The following EP400 variants were observed in gnomAD, a reference collection of about 807,000 sequenced individuals.
The protein encoded by EP400 is E1A-binding protein p400.
In EP400, 105 loss-of-function variants were observed where a neutral mutation model predicts 354.1. That is an observed-to-expected ratio of 0.30 (90% confidence interval 0.25 to 0.35). The LOEUF (loss-of-function observed/expected upper bound fraction) is 0.35, where lower values mean the gene tolerates loss of function less well. EP400 is among the 10% of genes least tolerant of loss of function. EP400 has a pLI of 1.00. For missense variants in EP400, 3,280 were observed against 4,121.0 expected (o/e 0.80, Z 5.59); for synonymous variants, 1,646 against 1,716.9 (o/e 0.96, Z 1.02).
intron 7 of EP400, among the ~76,000 whole-genome samples, chr12:131,988,823 T>G (rs1484924991): frequency 6.6e-6 from 1 of 152,162 alleles, no homozygotes; most frequent in Non-Finnish European, 1.5e-5. Flanking sequence ...TTCTGTACTC[T>G]TAACGCTATG....
intron 2 of EP400, among the ~76,000 whole-genome samples, chr12:131,977,227 C>A (rs1892512325): frequency 6.6e-6 from 1 of 152,174 alleles, no homozygotes; most frequent in South Asian, 2.1e-4. Flanking sequence ...AGCTCTGCCT[C>A]CCGGGTTCAC....
intron 1 of EP400, among the ~76,000 whole-genome samples, chr12:131,950,305 G>T (rs1465983964): frequency 1.3e-5 from 2 of 152,134 alleles, no homozygotes; most frequent in African/African-American, 4.8e-5. Context: ...TGGCCCCCCG[G>T]GCTCCTGGGC....
intron 43 of EP400, 104 bp downstream of exon 43, chr12:132,053,701 A>AG: frequency 7.7e-7 from 1 of 1,294,316 alleles, no homozygotes. Context: ...TGCCAGTTCT[A>AG]GCACATTTCC....
chr12:132,034,363 G>A (rs767063275), intron 30 of EP400, among the ~76,000 whole-genome samples: 1 of 152,242 alleles, frequency 6.6e-6, no homozygotes, highest in Non-Finnish European at 1.5e-5. Flanking sequence ...TTGTTCTCGA[G>A]TGGGTAGACT....
intron 48 of EP400, chr12:132,065,980 T>C (rs528532991): frequency 3.3e-5 from 5 of 152,376 alleles, no homozygotes; most frequent in Admixed American, 1.3e-4. Context: ...TACAAAGTGA[T>C]GAATGTACAA....
rs1312413798 is a variant in EP400, at chr12:132,078,533, G to T, written c.*860G>T. ...GAGAACCTTTGGGACACTCTGCCAT[G>T]GCTGGCGTGAGGCCCAGAGGACCAC... On this transcript the variant is annotated 3_prime_UTR_variant, in exon 53 of 53. Coordinates refer to ENST00000389561, the MANE Select transcript of EP400 (RefSeq NM_015409.5). 1 of 152,322 alleles carries T rather than the reference G, an allele frequency of 6.6e-6. No homozygotes were observed. Among genetic ancestry groups the T allele is most frequent in the Admixed American group, 6.5e-5 (1 of 15,290 alleles). The allele number at this position is 152,322 out of a possible 1,614,324, so 9.4% of individuals were successfully genotyped here. A position where few individuals can be genotyped will look rare whatever the true frequency, so the allele number is the denominator to read the frequency against.
chr12:132,018,381 G>A lies in EP400; in HGVS notation c.4277+5G>A, dbSNP rs200413264. 3.9e-5 allele frequency: 62 copies of A among 1,598,140 alleles called. No homozygotes were observed. Among genetic ancestry groups the A allele is most frequent in the Middle Eastern group, 3.4e-4 (2 of 5,956 alleles). On this transcript the variant is annotated splice_donor_5th_base_variant and intron_variant, in intron 21 of 52. Coordinates refer to ENST00000389561, the MANE Select transcript of EP400 (RefSeq NM_015409.5). This position sits in a 1 kb window ranked among gnomAD's most constrained non-coding sequence, Gnocchi z 4.0. Reference sequence around the variant, plus strand: ...AGCAAAGCTGAAGGCCAGCAGGTGCGTGCGACCCAGAGGCAGCGGGGAGGG... The same window carrying A: ...AGCAAAGCTGAAGGCCAGCAGGTGCATGCGACCCAGAGGCAGCGGGGAGGG...
At position 132,025,498 on chromosome 12, in the gene EP400, C is replaced by T. The variant is rs1406798356; in HGVS notation, c.4856-148C>T. 2 of 941,210 alleles carry T rather than the reference C, an allele frequency of 2.1e-6. No homozygotes were observed. Among genetic ancestry groups the T allele is most frequent in the African/African-American group, 3.4e-5 (2 of 58,744 alleles). 58.3% of individuals were successfully genotyped at this position (941,210 alleles called of 1,614,324 possible). A position where few individuals can be genotyped will look rare whatever the true frequency, so the allele number is the denominator to read the frequency against. On this transcript the variant is annotated intron_variant, in intron 24 of 52. Coordinates refer to ENST00000389561, the MANE Select transcript of EP400 (RefSeq NM_015409.5). The surrounding 1 kb of genome is among the most constrained non-coding windows in gnomAD (Gnocchi z 4.1). ...GTCGGTGATGGGTTGCCACTTTCCT[C>T]ACAGTAACTGAACTTTGCATTGATT...
intron 30 of EP400, among the ~76,000 whole-genome samples, chr12:132,032,964 T>G (rs1224753958): frequency 6.6e-6 from 1 of 151,470 alleles, no homozygotes; most frequent in Admixed American, 6.6e-5. Flanking sequence ...GTTTGTTTTT[T>G]GAGACGGAGT....
chr12:132,023,299 ATTTTTTTTTTTTTT>A (rs767816284), intron 23 of EP400, among the ~76,000 whole-genome samples: 2 of 71,078 alleles, frequency 2.8e-5, no homozygotes, highest in South Asian at 4.7e-4. Flanking sequence ...TGCCCAGCTA[ATTTTTTTTTTTTTT>A]TTTTTTTTTT....
chr12:132,055,425 TG>T (rs1895452260), intron 45 of EP400, among the ~76,000 whole-genome samples: 1 of 146,028 alleles, frequency 6.8e-6, no homozygotes, highest in Non-Finnish European at 1.5e-5. Flanking sequence ...GAAAATGAGG[TG>T]GGGTATGTGT....
At chr12:132,076,355 C>T (rs1306447168) in intron 51 of EP400, 161 bp from the exon 52 acceptor site, 1 of 739,964 alleles carries the variant, frequency 1.4e-6, no homozygotes, top group East Asian at 2.7e-5. Context: ...GAACGACTTG[C>T]TCTCTCACTG....
At chr12:132,044,376 T>G (rs1293786209) in intron 35 of EP400, 65 bp downstream of exon 35, 2 of 1,561,294 alleles carry the variant, frequency 1.3e-6, no homozygotes, top group Non-Finnish European at 1.7e-6. Flanking sequence ...GCAGCCATGT[T>G]TGGCTTGTTC....
chr12:132,044,870 A>T lies in EP400; in HGVS notation c.6701A>T (p.Tyr2234Phe). Residue 2234 changes from tyrosine to phenylalanine, a missense_variant, in exon 37 of 53, where the codon TAT becomes TTT. Coordinates refer to ENST00000389561, the MANE Select transcript of EP400 (RefSeq NM_015409.5). Reference sequence around the variant, plus strand: ...CTCGACTCGGTCATGTGTCTCATGTATGAAGCCACTCCCATCCCAGAGGCT... The same window carrying T: ...CTCGACTCGGTCATGTGTCTCATGTTTGAAGCCACTCCCATCCCAGAGGCT... ...IYLDSVMCLM[Y>F]EATPIPEAKL... is the part of the protein sequence containing the mutation. The T allele has an allele frequency of 6.2e-7, 1 of 1,614,162 alleles. No homozygotes were observed. The highest frequency in any genetic ancestry group is 8.5e-7 in the Non-Finnish European group (1 of 1,180,024).
At chr12:132,040,939 G>A (rs1894881399) in intron 32 of EP400, among the ~76,000 whole-genome samples, 1 of 152,218 alleles carries the variant, frequency 6.6e-6, no homozygotes. Flanking sequence ...GACCAGTTAA[G>A]AGTCCCAGAG....
intron 39 of EP400, among the ~76,000 whole-genome samples, chr12:132,046,597 T>C (rs1000650691): frequency 6.6e-6 from 1 of 152,222 alleles, no homozygotes; most frequent in African/African-American, 2.4e-5. Flanking sequence ...GTCTTTCATG[T>C]AAGAAGTCAG....
rs1191962687 is a variant in EP400, at chr12:131,983,558, C to G, written c.1929+1080C>G. ...GAGGCCGGGGAGGACTCTCAGCCCC[C>G]TTGGTTCTCCACTGTTTGATGCACA... On this transcript the variant is annotated intron_variant, in intron 5 of 52. Coordinates refer to ENST00000389561, the MANE Select transcript of EP400 (RefSeq NM_015409.5). Among the ~76,000 whole-genome samples the G allele has an allele frequency of 2.6e-5, 4 of 152,330 alleles. No individual in the cohort carries two copies. In the East Asian group the frequency reaches 7.7e-4, roughly 29 times the overall value.
chr12:131,995,023 G>GAAT, intron 12 of EP400, 67 bp downstream of exon 12: 1 of 1,433,310 alleles, frequency 7.0e-7, no homozygotes, highest in Non-Finnish European at 9.8e-7. Flanking sequence ...TGTGAGATGT[G>GAAT]AATAATAATA....
intron 41 of EP400, among the ~76,000 whole-genome samples, chr12:132,051,542 G>A (rs1212071572): frequency 2.0e-5 from 3 of 152,174 alleles, no homozygotes; most frequent in Non-Finnish European, 4.4e-5. Context: ...TCCCTGCCTG[G>A]CAGCCGAGGT....
Sources: allele counts gnomAD v4.1 joint callset (sites outside exome capture counted in the v4.1 genomes callset), GRCh38; gene constraint gnomAD v4.1.1; non-coding constraint Gnocchi (gnomAD v3.1); transcripts MANE v1.5; gene names NCBI Gene and HGNC (gene_info 2026-07-23, HGNC 2026-07-21).